RAF1: variants seen among roughly 807,000 people sequenced by gnomAD.
The protein encoded by RAF1 is Raf-1 proto-oncogene, serine/threonine kinase.
A neutral mutation model predicts 81.1 loss-of-function variants in RAF1; 27 were observed. The ratio of observed to expected loss-of-function variants is 0.33; its 90% CI spans 0.25 to 0.46. RAF1 has a LOEUF of 0.46. Ranked by LOEUF, RAF1 falls within the 20% of genes least tolerant of loss-of-function variation. RAF1 has a pLI of 1.00. For synonymous variants in RAF1, 298 were observed against 294.0 expected (o/e 1.01, Z -0.14); for missense variants, 598 against 826.0 (o/e 0.72, Z 3.38).
Position 12,599,800 on chromosome 3 carries a change from A to G in RAF1, c.1059T>C (p.Arg353=), listed in dbSNP as rs2125378599. The change falls in exon 11 of 18, where the codon CGT becomes CGC. Residue 353 remains arginine (R), a synonymous_variant. Coordinates refer to ENST00000442415, the MANE Select transcript of RAF1 (RefSeq NM_001354689.3). ...AATAATAGCTTGAATCTCTCTGTCC[A>G]CGAGGCCTCTGAAACAAGTAGAGAT... 1 of 1,613,222 alleles carries G rather than the reference A, an allele frequency of 6.2e-7. No homozygotes were observed.
rs5746208 is a variant in RAF1 at position 12,605,959 on chromosome 3, A to T, written c.680+242T>A. 0.019 allele frequency among the ~76,000 whole-genome samples: 2,917 copies of T among 152,296 alleles called. 92 individuals are homozygous for T. Among genetic ancestry groups the T allele is most frequent in the African/African-American group, 0.066 (2,744 of 41,546 alleles). ...TTTAAAATGTAATGACATATTAAGA[A>T]ATATGCTATGATAACAGAAGAAGCT... On this transcript the variant is annotated intron_variant, in intron 6 of 17. Transcript: ENST00000442415.
intron 13 of RAF1, chr3:12,589,862 C>T (rs2058451109): frequency 6.6e-6 from 1 of 150,650 alleles, no homozygotes. Flanking sequence ...ACAATCTCCA[C>T]TCACTGCAAC....
intron 11 of RAF1, among the ~76,000 whole-genome samples, chr3:12,597,787 T>G (rs1004056615): frequency 6.6e-5 from 10 of 151,724 alleles, no homozygotes; most frequent in Non-Finnish European, 1.2e-4. Flanking sequence ...TGGTGGCATG[T>G]GCCTGTAGTC....
chr3:12,616,166 A>C (rs2059363100), intron 2 of RAF1, among the ~76,000 whole-genome samples: 1 of 152,224 alleles, frequency 6.6e-6, no homozygotes. Context: ...AAAAAAGTAC[A>C]GAACTTGTCT....
At chr3:12,636,650 T>C (rs548390586) in intron 1 of RAF1, among the ~76,000 whole-genome samples, 3 of 151,494 alleles carry the variant, frequency 2.0e-5, no homozygotes, top group Admixed American at 2.0e-4. Context: ...CTACAAAAAA[T>C]ACAAAAATTA....
chr3:12,584,023 G>T lies in RAF1; in HGVS notation c.*491C>A. 1 of 271,974 alleles carries T rather than the reference G, an allele frequency of 3.7e-6. No homozygotes were observed. The highest frequency in any genetic ancestry group is 7.2e-6 in the Non-Finnish European group (1 of 139,624). 16.8% of individuals were successfully genotyped at this position (271,974 alleles called of 1,614,324 possible). ...CCTTCGGGCGGCCAGAGTCTCGGCA[G>T]TCCTGGGCTGTTTGGTGCCTTATGT... On this transcript the variant is annotated 3_prime_UTR_variant, in exon 18 of 18. Transcript: ENST00000442415.
In RAF1 at chr3:12,586,644, C is replaced by T. The variant is rs536251580; in HGVS notation, c.1478-845G>A. Among the ~76,000 whole-genome samples, 10 of 152,236 alleles carry T rather than the reference C, an allele frequency of 6.6e-5. No homozygotes were observed. The East Asian group carries it at 9.7e-4, about 15-fold the overall frequency. ...GCCTCTCACTGCTCAAGAGGCAAAA[C>T]GTGGGTTGTAATGCCATCTTTCTTT... On this transcript the variant is annotated intron_variant, in intron 14 of 17. Transcript: ENST00000442415.
In RAF1 at chr3:12,600,377, TGGAA is replaced by T. The variant is rs774002660; in HGVS notation, c.922+7_922+10del. ...CCCATTATTGTTGGCTAAATGACTA[TGGAA>T]AAGTACCTGATTCGCTGTGACTTCG... On this transcript the variant is annotated splice_region_variant and intron_variant, in intron 9 of 17. Transcript: ENST00000442415. 1 of 1,614,110 alleles carries T rather than the reference TGGAA, an allele frequency of 6.2e-7. No individual in the cohort carries two copies. The highest frequency in any genetic ancestry group is 1.1e-5 in the South Asian group (1 of 91,076).
chr3:12,603,328 AAAG>A, intron 8 of RAF1: 2 of 546,290 alleles, frequency 3.7e-6, no homozygotes, highest in East Asian at 2.8e-5. Context: ...AAAATTTTAA[AAAG>A]AAAGAAAGAA....
At chr3:12,613,669 G>A (rs1025882653) in intron 2 of RAF1, among the ~76,000 whole-genome samples, 8 of 152,152 alleles carry the variant, frequency 5.3e-5, no homozygotes, top group Non-Finnish European at 8.8e-5. Context: ...TCCAAACTAG[G>A]GCATAGTATG....
At chr3:12,647,368 A>C (rs1482091211) in intron 1 of RAF1, among the ~76,000 whole-genome samples, 2 of 151,680 alleles carry the variant, frequency 1.3e-5, no homozygotes, top group African/African-American at 4.8e-5. Context: ...TGAGAGGTTG[A>C]GGCAAGCAGA....
chr3:12,659,853 A>G (rs1030749883), intron 1 of RAF1, among the ~76,000 whole-genome samples: 3 of 152,136 alleles, frequency 2.0e-5, no homozygotes, highest in Non-Finnish European at 2.9e-5. Context: ...CAAGCTCAAG[A>G]TTATTATGTA....
intron 11 of RAF1, among the ~76,000 whole-genome samples, chr3:12,593,557 G>A (rs1208571817): frequency 1.3e-5 from 2 of 152,220 alleles, no homozygotes; most frequent in Admixed American, 6.5e-5. Context: ...TTTGCCATGG[G>A]CTGCCGGTGA....
At chr3:12,591,118 G>A in intron 12 of RAF1, 144 bp from the exon 12 acceptor site, 1 of 735,400 alleles carries the variant, frequency 1.4e-6, no homozygotes, top group Non-Finnish European at 2.2e-6. Context: ...CAAACACATG[G>A]CACGGCTGAT....
At chr3:12,634,190 C>A (rs1337173329) in intron 1 of RAF1, among the ~76,000 whole-genome samples, 1 of 149,592 alleles carries the variant, frequency 6.7e-6, no homozygotes, top group African/African-American at 2.5e-5. Context: ...CTCTATCACC[C>A]ATGCTGGAGT....
intron 1 of RAF1, among the ~76,000 whole-genome samples, chr3:12,627,021 C>CAAAAAAAAAAAAA (rs34692000): frequency 1.3e-5 from 1 of 77,020 alleles, no homozygotes; most frequent in African/African-American, 4.3e-5. Flanking sequence ...GACTCTGTCT[C>CAAAAAAAAAAAAA]AAAAAAAAAA....
Position 12,621,060 on chromosome 3 carries a change from AAACTTGTTTTATTATT to A in RAF1, c.-26-2329_-26-2314del, listed in dbSNP as rs1575605102. ...ATCTTTTCAAGCCTTCCTCCTTCAG[AAACTTGTTTTATTATT>A]AACAGTAGCTACCATTTACTAAAAG... On this transcript the variant is annotated intron_variant, in intron 1 of 17. Coordinates refer to ENST00000442415, the MANE Select transcript of RAF1 (RefSeq NM_001354689.3). Among the ~76,000 whole-genome samples the A allele has an allele frequency of 2.6e-5, 4 of 152,260 alleles. No homozygotes were observed. In the East Asian group the frequency reaches 7.7e-4, roughly 29 times the overall value.
intron 8 of RAF1, chr3:12,603,423 G>T: frequency 1.5e-6 from 1 of 652,370 alleles, no homozygotes; most frequent in South Asian, 1.7e-5. Context: ...CTGTCTGACA[G>T]TTTTAGCAAT....
chr3:12,657,102 G>C (rs1002590627), intron 1 of RAF1, among the ~76,000 whole-genome samples: 2 of 151,974 alleles, frequency 1.3e-5, no homozygotes, highest in Non-Finnish European at 2.9e-5. Context: ...GCTGCACCAA[G>C]TGCACTGGCC....
Sources: gnomAD v4.1 joint callset for allele counts (sites outside exome capture counted in the v4.1 genomes callset) on GRCh38, gnomAD v4.1.1 for gene constraint, MANE v1.5 for transcripts, NCBI Gene and HGNC (gene_info 2026-07-23, HGNC 2026-07-21) for gene names.